The following CSRNP3 variants were observed in gnomAD, a reference collection of about 807,000 sequenced individuals.
The protein encoded by CSRNP3 is cysteine/serine-rich nuclear protein 3.
In CSRNP3, 12 loss-of-function variants were observed where a neutral mutation model predicts 48.0. The ratio of observed to expected loss-of-function variants is 0.25; its 90% CI spans 0.16 to 0.41. The LOEUF (loss-of-function observed/expected upper bound fraction) is 0.41. Among genes scored for constraint, CSRNP3 ranks in the 10% least tolerant of loss-of-function variants. The probability of loss-of-function intolerance (pLI) is 1.00; values close to 1 mark genes in which losing one functional copy is unlikely to be tolerated. For missense variants in CSRNP3, 580 were observed against 724.4 expected (o/e 0.80, Z 2.29); for synonymous variants, 263 against 269.7 (o/e 0.98, Z 0.24).
At chr2:165,602,227 T>C (rs1685927565) in intron 4 of CSRNP3, among the ~76,000 whole-genome samples, 1 of 152,122 alleles carries the variant, frequency 6.6e-6, no homozygotes, top group East Asian at 1.9e-4. Flanking sequence ...CTTTCTAGCC[T>C]GTAATAATAT....
chr2:165,545,393 T>A (rs1050388950), intron 3 of CSRNP3, among the ~76,000 whole-genome samples: 1 of 152,074 alleles, frequency 6.6e-6, no homozygotes, highest in Non-Finnish European at 1.5e-5. Flanking sequence ...AAATTAATGA[T>A]GCAGGAAAGT....
chr2:165,624,763 T>C (rs116060835), intron 4 of CSRNP3, among the ~76,000 whole-genome samples: 7 of 152,310 alleles, frequency 4.6e-5, no homozygotes, highest in African/African-American at 1.7e-4. Context: ...TTTCCTTTAT[T>C]TATTCTTTCA....
intron 4 of CSRNP3, among the ~76,000 whole-genome samples, chr2:165,653,356 A>T (rs1316962695): frequency 6.6e-6 from 1 of 152,206 alleles, no homozygotes; most frequent in Non-Finnish European, 1.5e-5. Flanking sequence ...AAACACAAAC[A>T]CATGTTTGAA....
chr2:165,674,989 A>C (rs1013159039), intron 5 of CSRNP3, among the ~76,000 whole-genome samples: 7 of 151,984 alleles, frequency 4.6e-5, no homozygotes, highest in African/African-American at 1.7e-4. Context: ...CTGGGATTAC[A>C]GGCACGAGCC....
intron 3 of CSRNP3, among the ~76,000 whole-genome samples, chr2:165,574,595 A>C (rs1217822439): frequency 6.6e-6 from 1 of 152,098 alleles, no homozygotes; most frequent in East Asian, 1.9e-4. Flanking sequence ...TCTCTACTTG[A>C]AACATGGGTG....
chr2:165,590,073 A>G (rs1403640337), intron 3 of CSRNP3, among the ~76,000 whole-genome samples: 1 of 152,204 alleles, frequency 6.6e-6, no homozygotes, highest in Non-Finnish European at 1.5e-5. Flanking sequence ...TTTTATTTCA[A>G]GACTTTACTT....
intron 2 of CSRNP3, among the ~76,000 whole-genome samples, chr2:165,498,869 T>C (rs1235138998): frequency 6.6e-6 from 1 of 152,148 alleles, no homozygotes; most frequent in Non-Finnish European, 1.5e-5. Flanking sequence ...AGGATGTTCA[T>C]AGGTGGAATT....
intron 3 of CSRNP3, among the ~76,000 whole-genome samples, chr2:165,567,250 G>C (rs959303684): frequency 6.6e-6 from 1 of 152,052 alleles, no homozygotes; most frequent in Non-Finnish European, 1.5e-5. Flanking sequence ...AACATTTATG[G>C]TCACTAAGAA....
At chr2:165,661,427 A>G (rs1276551938) in intron 5 of CSRNP3, among the ~76,000 whole-genome samples, 1 of 152,194 alleles carries the variant, frequency 6.6e-6, no homozygotes, top group Non-Finnish European at 1.5e-5. Context: ...ACAGTTTGCC[A>G]TAAGGTAGCA....
intron 4 of CSRNP3, among the ~76,000 whole-genome samples, chr2:165,633,453 T>C (rs1352308210): frequency 6.6e-6 from 1 of 152,196 alleles, no homozygotes; most frequent in Non-Finnish European, 1.5e-5. Context: ...TTAGGTATGT[T>C]TTCATTACAA....
rs115144212 is a variant in CSRNP3, at chr2:165,600,987, C to T, written c.148+5774C>T. ...TTCTGTTAAAATATCCAATTTGTAG[C>T]ACACCACATTATGGTAATAAAAGCT... On this transcript the variant is annotated intron_variant, in intron 4 of 6. Coordinates refer to ENST00000651982, the MANE Select transcript of CSRNP3 (RefSeq NM_001172173.2). Among the ~76,000 whole-genome samples, 1,394 of 152,258 alleles carry T rather than the reference C, an allele frequency of 9.2e-3. 27 individuals are homozygous for T. Among genetic ancestry groups the T allele is most frequent in the African/African-American group, 0.032 (1,330 of 41,524 alleles).
At chr2:165,661,481 T>C (rs1473466894) in intron 5 of CSRNP3, among the ~76,000 whole-genome samples, 2 of 152,130 alleles carry the variant, frequency 1.3e-5, no homozygotes, top group Non-Finnish European at 2.9e-5. Context: ...GCTGTCCCAA[T>C]ACCCTGTATC....
intron 3 of CSRNP3, among the ~76,000 whole-genome samples, chr2:165,542,380 G>A (rs1367836574): frequency 6.6e-6 from 1 of 152,146 alleles, no homozygotes; most frequent in African/African-American, 2.4e-5. Context: ...TACCTTGTCA[G>A]CATTGGTGAA....
At chr2:165,522,611 G>A (rs1040609739) in intron 3 of CSRNP3, among the ~76,000 whole-genome samples, 3 of 151,880 alleles carry the variant, frequency 2.0e-5, no homozygotes, top group African/African-American at 7.3e-5. Flanking sequence ...GACTGAGCTA[G>A]CCCCTCAATG....
At chr2:165,539,505 C>G (rs1308738455) in intron 3 of CSRNP3, among the ~76,000 whole-genome samples, 2 of 151,998 alleles carry the variant, frequency 1.3e-5, no homozygotes, top group Non-Finnish European at 2.9e-5. Flanking sequence ...TTTTGCATAG[C>G]TCCTCTAGAT....
chr2:165,657,268 T>C (rs776573556), intron 4 of CSRNP3, among the ~76,000 whole-genome samples: 14 of 152,174 alleles, frequency 9.2e-5, no homozygotes, highest in Admixed American at 3.9e-4. Flanking sequence ...ACAAGACTAG[T>C]GATGTTCATA....
At position 165,614,894 on chromosome 2, in the gene CSRNP3, A is replaced by G. The variant is rs1417945204; in HGVS notation, c.148+19681A>G. Among the ~76,000 whole-genome samples the G allele has an allele frequency of 2.6e-5, 4 of 152,036 alleles. No individual in the cohort carries two copies. In the East Asian group the frequency reaches 7.7e-4, roughly 29 times the overall value. Reference sequence around the variant, plus strand: ...AAAGTTCTTCTTATTATTGATTTCTAGTTTCTTTTTCATTGTGGACTGAGA... The same window carrying G: ...AAAGTTCTTCTTATTATTGATTTCTGGTTTCTTTTTCATTGTGGACTGAGA... On this transcript the variant is annotated intron_variant, in intron 4 of 6. Coordinates refer to ENST00000651982, the MANE Select transcript of CSRNP3 (RefSeq NM_001172173.2).
At chr2:165,472,379 T>C (rs1490692916) in intron 1 of CSRNP3, among the ~76,000 whole-genome samples, 1 of 152,030 alleles carries the variant, frequency 6.6e-6, no homozygotes, top group Non-Finnish European at 1.5e-5. Context: ...AGGTAATTAA[T>C]TTAAAATTTA....
At chr2:165,658,816 C>T (rs950099428) in intron 5 of CSRNP3, among the ~76,000 whole-genome samples, 1 of 152,102 alleles carries the variant, frequency 6.6e-6, no homozygotes, top group Non-Finnish European at 1.5e-5. Context: ...GGGGGAACTG[C>T]ACCCATGATT....
Sources: gnomAD v4.1 joint callset for allele counts (sites outside exome capture counted in the v4.1 genomes callset) on GRCh38, gnomAD v4.1.1 for gene constraint, MANE v1.5 for transcripts, NCBI Gene and HGNC (gene_info 2026-07-23, HGNC 2026-07-21) for gene names.